Variants in NF1 observed in about 807,000 individuals in gnomAD.
NF1 encodes neurofibromin.
NF1 carries 122 observed loss-of-function variants against 325.7 expected under a neutral mutation model. That is an observed-to-expected ratio of 0.37 (90% CI 0.32 to 0.44). The LOEUF (loss-of-function observed/expected upper bound fraction) is 0.44. NF1 is among the 20% of genes least tolerant of loss of function. NF1 has a pLI of 1.00. For synonymous variants in NF1, 1,091 were observed against 1,186.0 expected, an observed-to-expected ratio of 0.92 and a Z score of 1.65; for missense variants, 2,140 against 3,415.4, an observed-to-expected ratio of 0.63 and a Z score of 9.31.
At chr17:31,137,719 A>G (rs78735674) in intron 1 of NF1, 2 of 144,996 alleles carry the variant, frequency 1.4e-5, no homozygotes, top group African/African-American at 5.0e-5. Context: ...AGCTTGCTGG[A>G]AAAAAAAAAA....
At chr17:31,108,973 C>CT (rs1184320489) in intron 1 of NF1, among the ~76,000 whole-genome samples, 55 of 152,186 alleles carry the variant, frequency 3.6e-4, no homozygotes, top group Non-Finnish European at 1.9e-4. Flanking sequence ...TTTGTCTACT[C>CT]TAAACTCAAA....
chr17:31,268,000 G>T (rs1382736235), intron 36 of NF1, among the ~76,000 whole-genome samples: 1 of 152,144 alleles, frequency 6.6e-6, no homozygotes, highest in Non-Finnish European at 1.5e-5. Context: ...ATAGTTTTTA[G>T]GAAAAGCATG....
Position 31,249,020 on chromosome 17 carries a change from G to C in NF1, c.4011G>C (p.Arg1337=), listed in dbSNP as rs2067448681. 2 of 1,614,042 alleles carry C rather than the reference G, an allele frequency of 1.2e-6. No individual in the cohort carries two copies. Among genetic ancestry groups the C allele is most frequent in the African/African-American group, 2.7e-5 (2 of 75,018 alleles). The part of the protein sequence containing the change: ...EPSESLEENQ[R]NLLQMTEKFF... ...CAGAGAGCCTTGAGGAAAACCAGCG[G>C]AACCTCCTTCAGATGACTGAAAAGT... Residue 1337 remains arginine, a synonymous_variant, in exon 30 of 58, where the codon CGG becomes CGC. Coordinates refer to ENST00000358273, the MANE Select transcript of NF1 (RefSeq NM_001042492.3).
chr17:31,303,486 GA>G (rs367993939), intron 36 of NF1, among the ~76,000 whole-genome samples: 12 of 150,686 alleles, frequency 8.0e-5, no homozygotes, highest in Admixed American at 5.9e-4. Context: ...CTCTTTTCCT[GA>G]AAAAAAAATC....
chr17:31,135,743 A>T (rs1219869163), intron 1 of NF1, among the ~76,000 whole-genome samples: 3 of 144,014 alleles, frequency 2.1e-5, no homozygotes, highest in Admixed American at 7.0e-5. Context: ...ATTAAAAAAC[A>T]TTTTTTTTTT....
At chr17:31,193,782 A>T (rs1478810528) in intron 8 of NF1, among the ~76,000 whole-genome samples, 1 of 152,214 alleles carries the variant, frequency 6.6e-6, no homozygotes, top group African/African-American at 2.4e-5. Flanking sequence ...TATATTTTTT[A>T]AAAAAGCTCA....
chr17:31,345,051 A>G lies in NF1; in HGVS notation c.7189+1916A>G, dbSNP rs546912270. On this transcript the variant is annotated intron_variant, in intron 48 of 57. Coordinates refer to ENST00000358273, the MANE Select transcript of NF1 (RefSeq NM_001042492.3). ...GGCACAAGAATCGCTTGAACCTGGG[A>G]GGCAGAGGTTGCAGTGAGCCAAGAT... Among the ~76,000 whole-genome samples the G allele has an allele frequency of 1.8e-4, 28 of 152,300 alleles. No homozygotes were observed. The East Asian group carries it at 5.2e-3, about 28-fold the overall frequency.
intron 29 of NF1, among the ~76,000 whole-genome samples, chr17:31,243,825 C>A (rs1165516299): frequency 1.3e-5 from 2 of 151,848 alleles, no homozygotes; most frequent in Admixed American, 6.6e-5. Flanking sequence ...AAGCTGGTAC[C>A]CAAGTTGCAA....
chr17:31,310,261 G>A (rs997840172), intron 36 of NF1, among the ~76,000 whole-genome samples: 2 of 151,610 alleles, frequency 1.3e-5, no homozygotes, highest in Non-Finnish European at 2.9e-5. Context: ...TAACACAAAA[G>A]AGAAAAAACA....
intron 29 of NF1, among the ~76,000 whole-genome samples, chr17:31,241,300 A>G (rs1028750066): frequency 2.0e-5 from 3 of 152,150 alleles, no homozygotes; most frequent in African/African-American, 7.2e-5. Context: ...TAATCCATTC[A>G]ATCACTCTTA....
intron 8 of NF1, among the ~76,000 whole-genome samples, chr17:31,197,205 C>T (rs775763306): frequency 6.6e-6 from 1 of 151,878 alleles, no homozygotes; most frequent in Non-Finnish European, 1.5e-5. Context: ...CCACCATGCC[C>T]AGCTAATTTT....
intron 9 of NF1, 118 bp downstream of exon 9, chr17:31,200,713 T>G: frequency 7.8e-6 from 9 of 1,157,588 alleles, no homozygotes; most frequent in Non-Finnish European, 1.1e-5. Flanking sequence ...CGTTGATAAG[T>G]TCATAGGACT....
rs2151555200 is a variant in NF1, at chr17:31,336,915, G to C, written c.6427+1G>C. 6.2e-7 allele frequency: 1 copy of C among 1,608,236 alleles called. No homozygotes were observed. Among genetic ancestry groups the C allele is most frequent in the Non-Finnish European group, 8.5e-7 (1 of 1,179,894 alleles). Reference sequence around the variant, plus strand: ...ACTTGTTCACAGCTTCATTTTAGTGGTAAGTTCTAGGAAAGGAATTTGTGT... The same window carrying C: ...ACTTGTTCACAGCTTCATTTTAGTGCTAAGTTCTAGGAAAGGAATTTGTGT... On this transcript the variant is annotated splice_donor_variant, in intron 42 of 57. Transcript: ENST00000358273. LOFTEE classifies it high-confidence loss of function. The surrounding 1 kb of genome is among the most constrained non-coding windows in gnomAD (Gnocchi z 5.5).
chr17:31,209,298 T>C (rs1306569109), intron 12 of NF1, among the ~76,000 whole-genome samples: 3 of 152,234 alleles, frequency 2.0e-5, no homozygotes, highest in Non-Finnish European at 4.4e-5. Flanking sequence ...AGCCATTAGC[T>C]TGCTTCAGAA....
At chr17:31,158,228 G>T (rs774976578) in intron 2 of NF1, among the ~76,000 whole-genome samples, 8 of 152,092 alleles carry the variant, frequency 5.3e-5, no homozygotes, top group African/African-American at 7.2e-5. Context: ...TAAGAAAGTT[G>T]CTTACACAAT....
intron 1 of NF1, among the ~76,000 whole-genome samples, chr17:31,100,231 G>A (rs1030130764): frequency 2.6e-5 from 4 of 152,152 alleles, no homozygotes; most frequent in South Asian, 2.1e-4. Flanking sequence ...CTGAATGTAC[G>A]TTGAATATGC....
chr17:31,230,979 C>A (rs1567850247), intron 24 of NF1, 54 bp downstream of exon 24: 1 of 1,307,340 alleles, frequency 7.6e-7, no homozygotes, highest in Non-Finnish European at 1.1e-6. Flanking sequence ...AGAGTTATAA[C>A]TACTTAATTA....
rs759850130 is a variant in NF1, at chr17:31,295,884, C to T, written c.4836-29936C>T. On this transcript the variant is annotated intron_variant, in intron 36 of 57. Coordinates refer to ENST00000358273, the MANE Select transcript of NF1 (RefSeq NM_001042492.3). ...AGTTTGTTACTACTGAGGTTGAGAA[C>T]CTCGAGACTTCTTAGTGTATTTTTA... 3 of 1,613,986 alleles carry T rather than the reference C, an allele frequency of 1.9e-6. No individual in the cohort carries two copies. In the African/African-American group the frequency reaches 4.0e-5, roughly 22 times the overall value.
chr17:31,243,214 T>TGTGTG (rs1369781933), intron 29 of NF1, among the ~76,000 whole-genome samples: 2 of 70,488 alleles, frequency 2.8e-5, no homozygotes, highest in African/African-American at 1.2e-4. Context: ...GTGTGTGTGT[T>TGTGTG]GAGCTGCCTG....
Sources: allele counts gnomAD v4.1 joint callset (sites outside exome capture counted in the v4.1 genomes callset), GRCh38; gene constraint gnomAD v4.1.1; non-coding constraint Gnocchi (gnomAD v3.1); transcripts MANE v1.5; gene names NCBI Gene and HGNC (gene_info 2026-07-23, HGNC 2026-07-21).